Variants in CTNND2 observed in about 807,000 individuals in gnomAD.
The protein encoded by CTNND2 is catenin delta-2.
In CTNND2, 22 loss-of-function variants were observed where a neutral mutation model predicts 144.4. The observed-to-expected ratio is 0.15, with a 90% CI of 0.11 to 0.22. The LOEUF (loss-of-function observed/expected upper bound fraction) is 0.22, where lower values mean the gene tolerates loss of function less well. Among genes scored for constraint, CTNND2 ranks in the 10% least tolerant of loss-of-function variants. CTNND2 has a pLI of 1.00. For missense variants in CTNND2, 1,353 were observed against 1,618.8 expected, an observed-to-expected ratio of 0.84 and a Z score of 2.82; for synonymous variants, 751 against 695.6, an observed-to-expected ratio of 1.08 and a Z score of -1.25.
chr5:11,367,587 G>A (rs1382796838), intron 7 of CTNND2, among the ~76,000 whole-genome samples: 7 of 152,100 alleles, frequency 4.6e-5, no homozygotes, highest in African/African-American at 9.7e-5. Flanking sequence ...GACTCAAAAC[G>A]TCATTCATGA....
At chr5:11,682,468 G>GA (rs1784458079) in intron 2 of CTNND2, among the ~76,000 whole-genome samples, 1 of 152,182 alleles carries the variant, frequency 6.6e-6, no homozygotes, top group Admixed American at 6.5e-5. Context: ...TTTGGTCAGC[G>GA]AATGTGTTCT....
At chr5:11,644,761 T>C (rs1782261108) in intron 2 of CTNND2, among the ~76,000 whole-genome samples, 1 of 152,072 alleles carries the variant, frequency 6.6e-6, no homozygotes, top group South Asian at 2.1e-4. Flanking sequence ...AAATCTGTCA[T>C]GACTGCCCAC....
chr5:11,397,013 A>G lies in CTNND2; in HGVS notation c.612+18T>C, dbSNP rs752824681. The G allele has an allele frequency of 2.5e-6, 4 of 1,609,820 alleles. No individual in the cohort carries two copies. The highest frequency in any genetic ancestry group is 3.3e-5 in the Admixed American group (2 of 59,870). ...TCCCCTTGGAGTCCACTGACACCAT[A>G]CAGCACTGGGTACCTACCTGGCTGA... On this transcript the variant is annotated intron_variant, in intron 6 of 21. Coordinates refer to ENST00000304623, the MANE Select transcript of CTNND2 (RefSeq NM_001332.4).
chr5:11,678,719 A>G (rs923841697), intron 2 of CTNND2, among the ~76,000 whole-genome samples: 3 of 152,210 alleles, frequency 2.0e-5, no homozygotes, highest in Non-Finnish European at 4.4e-5. Context: ...CCTTTAGTAA[A>G]GAGTAACAAA....
At chr5:11,455,556 C>T (rs1183138984) in intron 3 of CTNND2, among the ~76,000 whole-genome samples, 1 of 152,156 alleles carries the variant, frequency 6.6e-6, no homozygotes, top group African/African-American at 2.4e-5. Context: ...GATTAAATGG[C>T]AAGACATGAC....
intron 9 of CTNND2, among the ~76,000 whole-genome samples, chr5:11,321,295 A>C (rs1157112894): frequency 6.6e-6 from 1 of 152,228 alleles, no homozygotes; most frequent in Non-Finnish European, 1.5e-5. Context: ...TATTGTGTTG[A>C]TAATAAGATT....
intron 3 of CTNND2, among the ~76,000 whole-genome samples, chr5:11,554,377 A>G (rs565657707): frequency 6.6e-6 from 1 of 152,324 alleles, no homozygotes; most frequent in African/African-American, 2.4e-5. Flanking sequence ...TTACAACACA[A>G]TTCAAGATAC....
chr5:11,170,591 T>TACACACAC (rs534408462), intron 11 of CTNND2, among the ~76,000 whole-genome samples: 1 of 151,228 alleles, frequency 6.6e-6, no homozygotes, highest in African/African-American at 2.4e-5. Context: ...CACACACACA[T>TACACACAC]ACACACACAC....
intron 11 of CTNND2, among the ~76,000 whole-genome samples, chr5:11,169,970 A>C (rs1759738335): frequency 6.6e-6 from 1 of 152,248 alleles, no homozygotes; most frequent in Admixed American, 6.5e-5. Context: ...CACAAATTGT[A>C]GCCGAAAATA....
chr5:11,553,746 C>T (rs1466881780), intron 3 of CTNND2, among the ~76,000 whole-genome samples: 1 of 152,080 alleles, frequency 6.6e-6, no homozygotes, highest in Non-Finnish European at 1.5e-5. Flanking sequence ...TAAATAAATT[C>T]ATAAAGATTT....
In CTNND2 at chr5:11,544,480, A is replaced by G. The variant is rs190038568; in HGVS notation, c.287+20464T>C. 7.0e-3 allele frequency among the ~76,000 whole-genome samples: 1,061 copies of G among 152,360 alleles called. 8 individuals are homozygous for G. The highest frequency in any genetic ancestry group is 0.011 in the Non-Finnish European group (776 of 68,032). ...AGAAAAAGTAACAATTAAATCATAC[A>G]AACACCTGTTCACAGCAGCTTTATT... On this transcript the variant is annotated intron_variant, in intron 3 of 21. Transcript: ENST00000304623.
At chr5:11,873,752 G>C (rs553806809) in intron 1 of CTNND2, among the ~76,000 whole-genome samples, 24 of 152,270 alleles carry the variant, frequency 1.6e-4, no homozygotes, top group Admixed American at 7.2e-4. Context: ...CAAGGGGCTG[G>C]AATGGAGTCC....
intron 12 of CTNND2, among the ~76,000 whole-genome samples, chr5:11,134,136 C>T (rs916048738): frequency 3.9e-5 from 6 of 152,002 alleles, no homozygotes; most frequent in African/African-American, 1.5e-4. Context: ...GAGGAGGGAG[C>T]AGGAGAAAGG....
intron 11 of CTNND2, among the ~76,000 whole-genome samples, chr5:11,180,272 C>T (rs915969186): frequency 1.6e-4 from 24 of 152,098 alleles, no homozygotes; most frequent in Admixed American, 1.3e-4. Flanking sequence ...CCTTCCGCTA[C>T]GATTGTAAGT....
intron 15 of CTNND2, among the ~76,000 whole-genome samples, chr5:11,089,503 T>C (rs1750542281): frequency 6.6e-6 from 1 of 152,250 alleles, no homozygotes; most frequent in Non-Finnish European, 1.5e-5. Context: ...TCTATTTATC[T>C]CAATTGTCTT....
intron 1 of CTNND2, among the ~76,000 whole-genome samples, chr5:11,748,715 C>T (rs77686366): frequency 6.6e-6 from 1 of 152,124 alleles, no homozygotes; most frequent in East Asian, 1.9e-4. Flanking sequence ...CTCTCACCTG[C>T]ATTTATATCT....
At chr5:11,148,125 T>G (rs1184500366) in intron 12 of CTNND2, among the ~76,000 whole-genome samples, 2 of 152,192 alleles carry the variant, frequency 1.3e-5, no homozygotes, top group Non-Finnish European at 2.9e-5. Flanking sequence ...AGAGATAGAT[T>G]CATAGAGAAA....
At chr5:11,675,572 G>C (rs749875603) in intron 2 of CTNND2, among the ~76,000 whole-genome samples, 43 of 152,068 alleles carry the variant, frequency 2.8e-4, no homozygotes, top group Non-Finnish European at 3.5e-4. Context: ...TTTGCCTTTT[G>C]CCTCTGAATT....
At chr5:11,135,676 C>A (rs1383440104) in intron 12 of CTNND2, among the ~76,000 whole-genome samples, 1 of 152,208 alleles carries the variant, frequency 6.6e-6, no homozygotes, top group African/African-American at 2.4e-5. Flanking sequence ...GTGATTCCAA[C>A]TCCAAAGAAA....
Sources: allele counts gnomAD v4.1 joint callset (sites outside exome capture counted in the v4.1 genomes callset), GRCh38; gene constraint gnomAD v4.1.1; transcripts MANE v1.5; gene names NCBI Gene and HGNC (gene_info 2026-07-23, HGNC 2026-07-21).